Variants in DHX32 observed in about 807,000 individuals in gnomAD.
DHX32 encodes DEAH-box helicase 32 (putative), also known as putative pre-mRNA-splicing factor ATP-dependent RNA helicase DHX32.
In DHX32, 51 loss-of-function variants were observed where a neutral mutation model predicts 70.0. The ratio of observed to expected loss-of-function variants is 0.73; its 90% CI spans 0.58 to 0.92. The LOEUF is 0.92. Ranked by LOEUF, DHX32 falls within the 40% of genes least tolerant of loss-of-function variation. DHX32 has a pLI of 0.00. For synonymous variants in DHX32, 310 were observed against 315.3 expected (o/e 0.98, Z 0.18); for missense variants, 762 against 891.8 (o/e 0.85, Z 1.85).
intron 1 of DHX32, among the ~76,000 whole-genome samples, chr10:125,879,247 C>G (rs1944303610): frequency 6.6e-6 from 1 of 151,866 alleles, no homozygotes; most frequent in Non-Finnish European, 1.5e-5. Context: ...TGGTCTCAAA[C>G]TGCTGGACTC....
intron 4 of DHX32, chr10:125,853,391 T>C (rs1944117224): frequency 2.3e-6 from 1 of 443,776 alleles, no homozygotes; most frequent in Non-Finnish European, 4.0e-6. Context: ...TTTCAGAGTT[T>C]GAGATACCTT....
intron 10 of DHX32, among the ~76,000 whole-genome samples, chr10:125,837,893 A>G (rs1854746920): frequency 6.6e-6 from 1 of 152,166 alleles, no homozygotes; most frequent in South Asian, 2.1e-4. Flanking sequence ...TGGCTCTTGA[A>G]AGATGGCTAA....
Position 125,879,015 on chromosome 10 carries a change from GTTTTTTTTT to G in DHX32, c.282+1519_282+1527del, listed in dbSNP as rs35025096. Among the ~76,000 whole-genome samples the G allele has an allele frequency of 7.1e-5, 4 of 56,674 alleles. No individual in the cohort carries two copies. The East Asian group carries it at 1.7e-3, about 24-fold the overall frequency. The allele number at this position is 56,674 out of a possible 152,430, so 37.2% of individuals were successfully genotyped here. ...GAGCCACAGCGCCCAGCCTTTTCTT[GTTTTTTTTT>G]TTTTTTTTTTTTTTTTTGAGACGGG... On this transcript the variant is annotated intron_variant, in intron 1 of 10. Transcript: ENST00000284690.
At chr10:125,894,200 TAG>T (rs1491453761) in intron 1 of DHX32, among the ~76,000 whole-genome samples, 12 of 151,758 alleles carry the variant, frequency 7.9e-5, no homozygotes, top group East Asian at 1.9e-4. Context: ...TCCAAAAAGG[TAG>T]AGTGTCTTTA....
intron 6 of DHX32, among the ~76,000 whole-genome samples, chr10:125,847,017 C>T (rs551433801): frequency 1.2e-3 from 182 of 152,136 alleles, no homozygotes; most frequent in Non-Finnish European, 2.2e-3. Context: ...CTTAGGAGGG[C>T]TGAAGGAGCA....
intron 7 of DHX32, 63 bp downstream of exon 7, chr10:125,841,680 C>T (rs1055792808): frequency 3.3e-5 from 52 of 1,561,620 alleles, no homozygotes; most frequent in East Asian, 2.7e-4. Flanking sequence ...CAAATGGATC[C>T]GATCTAAATC....
At chr10:125,848,290 A>C (rs1484305242) in intron 6 of DHX32, among the ~76,000 whole-genome samples, 2 of 152,148 alleles carry the variant, frequency 1.3e-5, no homozygotes, top group African/African-American at 4.8e-5. Flanking sequence ...ACTTAATTTC[A>C]CAGGGACATG....
chr10:125,859,709 A>G lies in DHX32; in HGVS notation c.743T>C (p.Leu248Pro). The change falls in exon 3 of 11, where the codon CTT (leucine) becomes CCT (proline). Residue 248 changes from leucine to proline, a missense_variant. By Grantham distance (98) the Leu-to-Pro change is moderately conservative (BLOSUM62 -3). Transcript: ENST00000284690. ...AAAAGAATCCTTTTGAGCCTCACTA[A>G]GGTACACAACCTCCACAGGGTGTTT... ...KNKHPVEVVYLSEAQKDSFES... is the reference protein window; with the variant it reads ...KNKHPVEVVYPSEAQKDSFES... The G allele has an allele frequency of 6.2e-7, 1 of 1,614,150 alleles. No homozygotes were observed. The highest frequency in any genetic ancestry group is 8.5e-7 in the Non-Finnish European group (1 of 1,180,020).
chr10:125,890,203 CT>C (rs5788721), intron 1 of DHX32, among the ~76,000 whole-genome samples: 2 of 151,930 alleles, frequency 1.3e-5, no homozygotes, highest in South Asian at 4.1e-4. Context: ...ATTTGTAAAT[CT>C]TTTTTATAGA....
At chr10:125,855,524 C>T (rs1944139877) in intron 3 of DHX32, among the ~76,000 whole-genome samples, 1 of 150,006 alleles carries the variant, frequency 6.7e-6, no homozygotes, top group African/African-American at 2.5e-5. Context: ...TCTCAGCTCA[C>T]TGCAAGCTCT....
intron 2 of DHX32, among the ~76,000 whole-genome samples, chr10:125,865,282 T>C (rs1944214044): frequency 1.3e-5 from 2 of 152,236 alleles, no homozygotes; most frequent in Non-Finnish European, 2.9e-5. Context: ...GAGAGGTTTT[T>C]ATGTTTCTTT....
At chr10:125,895,807 G>GGGGCAAAGCC (rs1491246709) in intron 1 of DHX32, among the ~76,000 whole-genome samples, 2 of 136,616 alleles carry the variant, frequency 1.5e-5, no homozygotes, top group Non-Finnish European at 3.3e-5. Context: ...CGGGGATGAC[G>GGGGCAAAGCC]GGGCAAAGCC....
At chr10:125,861,353 C>T (rs1367927540) in intron 2 of DHX32, among the ~76,000 whole-genome samples, 2 of 151,944 alleles carry the variant, frequency 1.3e-5, no homozygotes, top group Non-Finnish European at 2.9e-5. Context: ...AAAAATTAGC[C>T]GGGAGTAGTG....
chr10:125,884,042 T>C (rs1944331370), upstream of DHX32, among the ~76,000 whole-genome samples: 1 of 152,196 alleles, frequency 6.6e-6, no homozygotes, highest in Non-Finnish European at 1.5e-5. Context: ...ATGCTACCAT[T>C]GAATCCAATG....
chr10:125,847,756 G>A (rs1271212970), intron 6 of DHX32, among the ~76,000 whole-genome samples: 1 of 152,066 alleles, frequency 6.6e-6, no homozygotes, highest in Non-Finnish European at 1.5e-5. Flanking sequence ...TAACTAGACG[G>A]TCCCATCTGG....
chr10:125,857,490 C>G (rs1944155989), intron 3 of DHX32, among the ~76,000 whole-genome samples: 1 of 152,206 alleles, frequency 6.6e-6, no homozygotes, highest in Admixed American at 6.5e-5. Flanking sequence ...ACAAAATCCT[C>G]TGGTAGCTTT....
intron 1 of DHX32, among the ~76,000 whole-genome samples, chr10:125,867,703 G>A (rs7100119): frequency 0.31 from 44,173 of 144,482 alleles, 6,836 homozygotes; most frequent in East Asian, 0.42. Flanking sequence ...GCCACTGCAC[G>A]CCAGCCTGGG....
At chr10:125,842,810 C>G (rs944426338) in intron 6 of DHX32, 2 of 947,378 alleles carry the variant, frequency 2.1e-6, no homozygotes, top group Non-Finnish European at 2.5e-6. Context: ...CAAGCTGATT[C>G]TCTCCATCTC....
At position 125,867,063 on chromosome 10, in the gene DHX32, C is replaced by T; in HGVS notation, c.403G>A (p.Asp135Asn). Residue 135 changes from aspartate (D) to asparagine (N), a missense_variant, in exon 2 of 11, where the codon GAT becomes AAT. Around this residue, in one of 3 missense-constraint regions of DHX32, gnomAD observed 394 missense variants for 473.1 expected, o/e 0.83. Coordinates refer to ENST00000284690, the MANE Select transcript of DHX32 (RefSeq NM_018180.3). ...QLALRVADEMDVNIGHEVGYV... is the reference protein window; with the variant it reads ...QLALRVADEMNVNIGHEVGYV... ...CCAACCTCATGACCAATGTTAACAT[C>T]CATTTCATCCGCCACCCGCAGGGCG... The T allele has an allele frequency of 6.2e-7, 1 of 1,614,242 alleles. No homozygotes were observed. The highest frequency in any genetic ancestry group is 1.1e-5 in the South Asian group (1 of 91,082).
Sources: allele counts gnomAD v4.1 joint callset (sites outside exome capture counted in the v4.1 genomes callset), GRCh38; gene constraint gnomAD v4.1.1; regional missense constraint gnomAD v4.1.1; transcripts MANE v1.5; gene names NCBI Gene and HGNC (gene_info 2026-07-23, HGNC 2026-07-21).